The following BATF2 variants were observed in gnomAD, a reference collection of about 807,000 sequenced individuals.
The protein encoded by BATF2 is basic leucine zipper ATF-like transcription factor 2.
In BATF2, 4 loss-of-function variants were observed where a neutral mutation model predicts 7.3. The observed-to-expected ratio is 0.55, with a 90% CI of 0.27 to 1.26. BATF2 has a LOEUF of 1.26. BATF2 is among the 50% of genes most tolerant of loss of function. The pLI, the probability that BATF2 is intolerant of heterozygous loss-of-function variation, is 0.11. For synonymous variants in BATF2, 152 were observed against 153.9 expected (o/e 0.99, Z 0.09); for missense variants, 295 against 340.5 (o/e 0.87, Z 1.05).
chr11:64,989,670 CCTGGAGCTGAGCAGGA>C lies in BATF2; in HGVS notation c.268_283del (p.Ser90GlyfsTer215). ...AGCCTGGTCCCAGCAGCCCAGGAGC[CCTGGAGCTGAGCAGGA>C]GGCACAATCCATGGGGCACAGGCGC... On this transcript the variant is annotated frameshift_variant, in exon 3 of 3. Coordinates refer to ENST00000301887, the MANE Select transcript of BATF2 (RefSeq NM_138456.4). LOFTEE classifies it low-confidence loss of function (END_TRUNC). This position sits in a 1 kb window ranked among gnomAD's most constrained non-coding sequence, Gnocchi z 4.3. The C allele has an allele frequency of 6.8e-6, 11 of 1,613,742 alleles. No individual in the cohort carries two copies. Among genetic ancestry groups the C allele is most frequent in the Non-Finnish European group, 9.3e-6 (11 of 1,179,934 alleles).
In BATF2 at chr11:64,988,337, C is replaced by G. The variant is rs1041633189; in HGVS notation, c.*792G>C. On this transcript the variant is annotated 3_prime_UTR_variant, in exon 3 of 3. Coordinates refer to ENST00000301887, the MANE Select transcript of BATF2 (RefSeq NM_138456.4). ...TGCACAGGGTCCTTCCTCATTCTTTCCTCTTCCTTTTTGTTTATGAGATGA... is the reference window on the plus strand; with the variant it reads ...TGCACAGGGTCCTTCCTCATTCTTTGCTCTTCCTTTTTGTTTATGAGATGA... The G allele has an allele frequency of 6.6e-6, 1 of 152,296 alleles. No homozygotes were observed. The highest frequency in any genetic ancestry group is 2.4e-5 in the African/African-American group (1 of 41,444). 9.4% of individuals were successfully genotyped at this position (152,296 alleles called of 1,614,324 possible).
chr11:64,989,850 C>T lies in BATF2; in HGVS notation c.142-38G>A, dbSNP rs1471042476. 6.2e-7 allele frequency: 1 copy of T among 1,608,514 alleles called. No individual in the cohort carries two copies. Among genetic ancestry groups the T allele is most frequent in the Non-Finnish European group, 8.5e-7 (1 of 1,177,210 alleles). ...AGATGGGCGGGGAGGGGAACCTCAG[C>T]CAGTGTCAGGGGCCCCGCATGAGCC... On this transcript the variant is annotated intron_variant, in intron 2 of 2. Coordinates refer to ENST00000301887, the MANE Select transcript of BATF2 (RefSeq NM_138456.4). The surrounding 1 kb of genome is among the most constrained non-coding windows in gnomAD (Gnocchi z 4.3).
Position 64,988,874 on chromosome 11 carries a change from TCA to T in BATF2, c.*253_*254del. ...ACTTGTCACTTGGCTTCCCTGAGCC[TCA>T]GTTTCCTTGTCTGAAAAAGTGGAGT... On this transcript the variant is annotated 3_prime_UTR_variant, in exon 3 of 3. Coordinates refer to ENST00000301887, the MANE Select transcript of BATF2 (RefSeq NM_138456.4). 1 of 509,004 alleles carries T rather than the reference TCA, an allele frequency of 2.0e-6. No homozygotes were observed. The highest frequency in any genetic ancestry group is 3.3e-5 in the Admixed American group (1 of 30,188). The allele number at this position is 509,004 out of a possible 1,614,324, so 31.5% of individuals were successfully genotyped here.
intron 1 of BATF2, among the ~76,000 whole-genome samples, chr11:64,995,233 C>G (rs535791002): frequency 1.3e-5 from 2 of 152,176 alleles, no homozygotes; most frequent in East Asian, 3.8e-4. Context: ...AAAGCCCATG[C>G]GGCAGGCAGC....
At position 64,989,718 on chromosome 11, in the gene BATF2, A is replaced by C. The variant is rs779751966; in HGVS notation, c.236T>G (p.Val79Gly). The C allele has an allele frequency of 1.2e-6, 2 of 1,613,928 alleles. No individual in the cohort carries two copies. Among genetic ancestry groups the C allele is most frequent in the South Asian group, 1.1e-5 (1 of 91,086 alleles). The part of the protein sequence containing the change: ...ELAWWSRTLH[V>G]HERLCPMDCA... ...ATCCATGGGGCACAGGCGCTCATGC[A>C]CGTGCAGGGTCCGGCTCCACCACGC... Residue 79 changes from valine to glycine, a missense_variant, in exon 3 of 3, where the codon GTG (valine) becomes GGG (glycine). Coordinates refer to ENST00000301887, the MANE Select transcript of BATF2 (RefSeq NM_138456.4). This position sits in a 1 kb window ranked among gnomAD's most constrained non-coding sequence, Gnocchi z 4.3.
chr11:64,989,370 A>G lies in BATF2; in HGVS notation c.584T>C (p.Leu195Pro), dbSNP rs755458467. ...LQGSSSKLSA[L>P]QPSLTAQTAP... ...AGTTTGGGCCGTGAGGCTGGGCTGG[A>G]GGGCACTGAGCTTAGAGGAAGACCC... Residue 195 changes from leucine to proline, a missense_variant, in exon 3 of 3, where the codon CTC becomes CCC. Coordinates refer to ENST00000301887, the MANE Select transcript of BATF2 (RefSeq NM_138456.4). This position sits in a 1 kb window ranked among gnomAD's most constrained non-coding sequence, Gnocchi z 4.3. 3.2e-6 allele frequency: 5 copies of G among 1,574,198 alleles called. No homozygotes were observed. The highest frequency in any genetic ancestry group is 4.3e-6 in the Non-Finnish European group (5 of 1,159,230).
rs768550449 is a variant in BATF2, at chr11:64,989,417, C to T, written c.537G>A (p.Ser179=). ...QLSPSPLLFA[S]HTGSSLQGSS... ...ACCCCTGCAGGCTGGAACCAGTGTG[C>T]GAGGCAAACAGGAGAGGGCTGGGGG... The change falls in exon 3 of 3, where the codon TCG becomes TCA. Residue 179 remains serine, a synonymous_variant. Coordinates refer to ENST00000301887, the MANE Select transcript of BATF2 (RefSeq NM_138456.4). This position sits in a 1 kb window ranked among gnomAD's most constrained non-coding sequence, Gnocchi z 4.3. 1.3e-5 allele frequency: 21 copies of T among 1,597,304 alleles called. No homozygotes were observed. Among genetic ancestry groups the T allele is most frequent in the South Asian group, 3.4e-5 (3 of 88,436 alleles).
At chr11:64,990,165 C>T in intron 2 of BATF2, 1 of 1,535,714 alleles carries the variant, frequency 6.5e-7, no homozygotes. Flanking sequence ...TCATTAATTG[C>T]AGGTTAAAGC....
chr11:64,990,123 C>A, intron 2 of BATF2: 1 of 1,535,756 alleles, frequency 6.5e-7, no homozygotes, highest in Non-Finnish European at 8.7e-7. Flanking sequence ...ACCACCTATT[C>A]TCTTGCCCAC....
At chr11:64,993,146 A>T (rs1946088991) in intron 2 of BATF2, among the ~76,000 whole-genome samples, 1 of 152,126 alleles carries the variant, frequency 6.6e-6, no homozygotes, top group Admixed American at 6.6e-5. Flanking sequence ...GATCACTTAA[A>T]GCCAGGAGTT....
At chr11:64,994,683 C>G in intron 1 of BATF2, 134 bp from the exon 2 acceptor site, 1 of 790,990 alleles carries the variant, frequency 1.3e-6, no homozygotes, top group Non-Finnish European at 2.1e-6. Flanking sequence ...CAGAAGCTCC[C>G]TTGGCACCCA....
intron 2 of BATF2, among the ~76,000 whole-genome samples, chr11:64,994,058 A>G (rs1192123656): frequency 6.6e-6 from 1 of 152,084 alleles, no homozygotes; most frequent in African/African-American, 2.4e-5. Context: ...TCAGCCTCCC[A>G]AAGTGCTAGG....
At chr11:64,993,833 G>T (rs1329135302) in intron 2 of BATF2, among the ~76,000 whole-genome samples, 1 of 152,088 alleles carries the variant, frequency 6.6e-6, no homozygotes, top group East Asian at 1.9e-4. Context: ...GTCTCAATCT[G>T]TTGCCCAGGT....
rs546291673 is a variant in BATF2 at position 64,995,150 on chromosome 11, G to A, written c.40-601C>T. Reference sequence around the variant, plus strand: ...GCTGGGATTACAGGTGTGAGCCACCGTGCCCAGCCGAGCCCCATATTCTTG... The same window carrying A: ...GCTGGGATTACAGGTGTGAGCCACCATGCCCAGCCGAGCCCCATATTCTTG... On this transcript the variant is annotated intron_variant, in intron 1 of 2. Coordinates refer to ENST00000301887, the MANE Select transcript of BATF2 (RefSeq NM_138456.4). Among the ~76,000 whole-genome samples the A allele has an allele frequency of 1.1e-4, 17 of 152,214 alleles. No individual in the cohort carries two copies. In the South Asian group the frequency reaches 3.3e-3, roughly 30 times the overall value.
At chr11:64,994,980 C>G (rs768468797) in intron 1 of BATF2, among the ~76,000 whole-genome samples, 8 of 152,162 alleles carry the variant, frequency 5.3e-5, no homozygotes, top group Non-Finnish European at 1.0e-4. Flanking sequence ...TCCCAAGTAG[C>G]TGGGACTACA....
chr11:64,989,664 A>G lies in BATF2; in HGVS notation c.290T>C (p.Leu97Pro). 1 of 1,613,700 alleles carries G rather than the reference A, an allele frequency of 6.2e-7. No homozygotes were observed. The highest frequency in any genetic ancestry group is 1.1e-5 in the South Asian group (1 of 91,074). The change falls in exon 3 of 3, where the codon CTG becomes CCG. Residue 97 changes from leucine (L) to proline (P), a missense_variant. Physicochemically the swap from Leu to Pro is moderately conservative, Grantham distance 98. Transcript: ENST00000301887. The surrounding 1 kb of genome is among the most constrained non-coding windows in gnomAD (Gnocchi z 4.3). ...DCASCSAPGLLGCWDQAEGLL... is the reference protein window; with the variant it reads ...DCASCSAPGLPGCWDQAEGLL... Reference sequence around the variant, plus strand: ...CCCCTCAGCCTGGTCCCAGCAGCCCAGGAGCCCTGGAGCTGAGCAGGAGGC... The same window carrying G: ...CCCCTCAGCCTGGTCCCAGCAGCCCGGGAGCCCTGGAGCTGAGCAGGAGGC...
intron 1 of BATF2, among the ~76,000 whole-genome samples, chr11:64,996,074 C>T (rs918533284): frequency 2.0e-5 from 3 of 152,100 alleles, no homozygotes; most frequent in Non-Finnish European, 2.9e-5. Flanking sequence ...TCTCCTGCCT[C>T]AGCCTCCTGA....
intron 2 of BATF2, chr11:64,990,093 C>T: frequency 6.5e-7 from 1 of 1,535,844 alleles, no homozygotes; most frequent in Non-Finnish European, 8.7e-7. Context: ...GCACGGGCCT[C>T]CAACCCGTGT....
At position 64,989,911 on chromosome 11, in the gene BATF2, G is replaced by T; in HGVS notation, c.142-99C>A. 6.8e-7 allele frequency: 1 copy of T among 1,468,116 alleles called. No homozygotes were observed. The highest frequency in any genetic ancestry group is 9.3e-7 in the Non-Finnish European group (1 of 1,073,254). 90.9% of individuals were successfully genotyped at this position (1,468,116 alleles called of 1,614,324 possible). A position where few individuals can be genotyped will look rare whatever the true frequency, so the allele number is the denominator to read the frequency against. ...CCAGGGTCCTCAACTTCAGGAGAAA[G>T]ATGCCACCACCATTGGAATAGCCAA... is the stretch of plus-strand genomic sequence containing the variant. On this transcript the variant is annotated intron_variant, in intron 2 of 2. Coordinates refer to ENST00000301887, the MANE Select transcript of BATF2 (RefSeq NM_138456.4). This position sits in a 1 kb window ranked among gnomAD's most constrained non-coding sequence, Gnocchi z 4.3.
Sources: gnomAD v4.1 joint callset for allele counts (sites outside exome capture counted in the v4.1 genomes callset) on GRCh38, gnomAD v4.1.1 for gene constraint, Gnocchi (gnomAD v3.1) non-coding constraint, MANE v1.5 for transcripts, NCBI Gene and HGNC (gene_info 2026-07-23, HGNC 2026-07-21) for gene names.